The following ABCA9 variants were observed in gnomAD, a reference collection of about 807,000 sequenced individuals.
The protein encoded by ABCA9 is ATP binding cassette subfamily A member 9, also known as ATP-binding cassette sub-family A member 9.
Under a neutral mutation model 205.3 loss-of-function variants are expected in ABCA9, and 183 were observed. The observed-to-expected ratio is 0.89, with a 90% CI of 0.79 to 1.01. ABCA9 has a LOEUF of 1.01. Ranked by LOEUF, ABCA9 falls within the 50% of genes least tolerant of loss-of-function variation. The pLI is 0.00. For missense variants in ABCA9, 1,805 were observed against 1,912.4 expected, an observed-to-expected ratio of 0.94 and a Z score of 1.05; for synonymous variants, 651 against 683.3, an observed-to-expected ratio of 0.95 and a Z score of 0.74.
At chr17:69,018,784 C>G (rs991219951) in intron 19 of ABCA9, among the ~76,000 whole-genome samples, 14 of 151,998 alleles carry the variant, frequency 9.2e-5, no homozygotes, top group African/African-American at 3.4e-4. Flanking sequence ...TCTCAAGTGC[C>G]AAGCAGGACA....
At position 68,982,605 on chromosome 17, in the gene ABCA9, C is replaced by T. The variant is rs768132334; in HGVS notation, c.4677G>A (p.Glu1559=). ...AAGCCTGTGATAAAGGTCGCACATC[C>T]TCAACAGGCAACTTATAGACCATCA... ...SSLMVYKLPV[E]DVRPLSQAFF... is the part of the protein sequence containing the mutation. The change falls in exon 37 of 39, where the codon GAG becomes GAA. Residue 1559 remains glutamate, a synonymous_variant. Coordinates refer to ENST00000340001, the MANE Select transcript of ABCA9 (RefSeq NM_080283.4). 5 of 1,613,960 alleles carry T rather than the reference C, an allele frequency of 3.1e-6. No individual in the cohort carries two copies. The South Asian group carries it at 5.5e-5, about 18-fold the overall frequency.
chr17:69,050,847 G>A lies in ABCA9; in HGVS notation c.96+184C>T, dbSNP rs188092655. 4.3e-3 allele frequency among the ~76,000 whole-genome samples: 648 copies of A among 151,978 alleles called. 3 individuals carry two copies. Among genetic ancestry groups the A allele is most frequent in the Non-Finnish European group, 6.3e-3 (429 of 67,974 alleles). On this transcript the variant is annotated intron_variant, in intron 2 of 38. Coordinates refer to ENST00000340001, the MANE Select transcript of ABCA9 (RefSeq NM_080283.4). ...AAGACATAAAACAATAATACATAAT[G>A]TAATTTGAAAAAATAAATTTTACCT...
rs2070670648 is a variant in ABCA9 at position 69,017,735 on chromosome 17, T to G, written c.2822A>C (p.Glu941Ala). ...HSLRRQNIAI[E>A]VDAFGTRNGT... ...ATTTCTAGTTCCAAAGGCATCCACT[T>G]CTATAGCTATGTTCTGTCGCCTCAG... Residue 941 changes from glutamate to alanine, a missense_variant, in exon 21 of 39, where the codon GAA (glutamate) becomes GCA (alanine). Glu to Ala is a moderately radical substitution (Grantham distance 107). Transcript: ENST00000340001. 15 of 1,613,476 alleles carry G rather than the reference T, an allele frequency of 9.3e-6. No homozygotes were observed. Among genetic ancestry groups the G allele is most frequent in the Non-Finnish European group, 1.3e-5 (15 of 1,179,504 alleles).
chr17:69,049,544 T>A, intron 2 of ABCA9, 54 bp from the exon 3 acceptor site: 4 of 1,383,894 alleles, frequency 2.9e-6, no homozygotes, highest in Non-Finnish European at 4.0e-6. Flanking sequence ...ATACCACAGA[T>A]CAATCATCCA....
intron 37 of ABCA9, among the ~76,000 whole-genome samples, chr17:68,980,499 G>A (rs112531770): frequency 0.014 from 2,081 of 151,752 alleles, 49 homozygotes; most frequent in African/African-American, 0.045. Flanking sequence ...TGTTTATTGC[G>A]GCACTATTCA....
At chr17:68,996,823 A>G (rs532539186) in intron 25 of ABCA9, among the ~76,000 whole-genome samples, 51 of 152,226 alleles carry the variant, frequency 3.4e-4, no homozygotes, top group African/African-American at 1.2e-3. Context: ...TTTTTAAGGA[A>G]CTATATGGTC....
upstream of ABCA9, among the ~76,000 whole-genome samples, chr17:69,063,347 A>G (rs952731694): frequency 1.3e-5 from 2 of 152,160 alleles, no homozygotes; most frequent in South Asian, 4.1e-4. Context: ...TTTGCTGGCT[A>G]TTTGTAAGGA....
the ABCA9 span, among the ~76,000 whole-genome samples, chr17:69,067,488 G>A: frequency 6.6e-5 from 10 of 151,186 alleles, no homozygotes; most frequent in African/African-American, 2.4e-4. Flanking sequence ...CCTGGGAGGT[G>A]GACGTTGCAG....
Position 69,016,369 on chromosome 17 carries a change from A to C in ABCA9, c.2923T>G (p.Cys975Gly). 1 of 1,592,460 alleles carries C rather than the reference A, an allele frequency of 6.3e-7. No homozygotes were observed. Among genetic ancestry groups the C allele is most frequent in the Non-Finnish European group, 8.5e-7 (1 of 1,172,650 alleles). ...DEKDHRFSIA[C>G]NTKRLNCFPV... ...AAGCAATTCAGCCGTTTTGTATTAC[A>C]TGCTATTGAAAATCTGTGATCCTGA... Residue 975 changes from cysteine to glycine, a missense_variant, in exon 22 of 39, where the codon TGT (cysteine) becomes GGT (glycine). Coordinates refer to ENST00000340001, the MANE Select transcript of ABCA9 (RefSeq NM_080283.4).
At chr17:69,072,637 A>T in the ABCA9 span, among the ~76,000 whole-genome samples, 3 of 33,678 alleles carry the variant, frequency 8.9e-5, no homozygotes, top group South Asian at 3.4e-3. Flanking sequence ...AGCCACTGCA[A>T]AAAAAAAAAA....
intron 12 of ABCA9, among the ~76,000 whole-genome samples, chr17:69,028,027 CTATT>C (rs574097723): frequency 7.2e-4 from 110 of 152,206 alleles, no homozygotes; most frequent in African/African-American, 2.4e-3. Context: ...AACCATAAAA[CTATT>C]TATGACATAT....
chr17:69,017,964 G>A, intron 20 of ABCA9, 175 bp from the exon 21 acceptor site: 1 of 596,696 alleles, frequency 1.7e-6, no homozygotes, highest in Non-Finnish European at 2.8e-6. Context: ...TCATAGGTAT[G>A]ACAAGGTTAC....
chr17:69,006,218 G>A (rs2070120825), intron 25 of ABCA9, among the ~76,000 whole-genome samples: 1 of 152,134 alleles, frequency 6.6e-6, no homozygotes, highest in African/African-American at 2.4e-5. Context: ...TTGAAAAACT[G>A]TTTGGCAAGA....
Position 68,984,970 on chromosome 17 carries a change from C to A in ABCA9, c.4294G>T (p.Val1432Leu). 6.2e-7 allele frequency: 1 copy of A among 1,614,194 alleles called. No homozygotes were observed. The highest frequency in any genetic ancestry group is 8.5e-7 in the Non-Finnish European group (1 of 1,180,042). ...GACGGGTTCCCCAGGATGCTCAGCA[C>A]AAAGCACAGCTGCAACGGGAGGAAC... ...SEGIKRKLCF[V>L]LSILGNPSVV... Residue 1432 changes from valine (V) to leucine (L), a missense_variant, in exon 34 of 39, where the codon GTG (valine) becomes TTG (leucine). Coordinates refer to ENST00000340001, the MANE Select transcript of ABCA9 (RefSeq NM_080283.4).
Position 69,028,562 on chromosome 17 carries a change from G to A in ABCA9, c.1588C>T (p.Leu530Phe). ...GAGKTTLLNI[L>F]SGLSVPTSGS... Reference sequence around the variant, plus strand: ...GATGTTGGAACTGACAACCCACTAAGTATGTTTAACAGGGTAGTTTTTCCA... The same window carrying A: ...GATGTTGGAACTGACAACCCACTAAATATGTTTAACAGGGTAGTTTTTCCA... Residue 530 changes from leucine to phenylalanine, a missense_variant, in exon 12 of 39, where the codon CTT becomes TTT. Transcript: ENST00000340001. 1.2e-6 allele frequency: 2 copies of A among 1,608,818 alleles called. No individual in the cohort carries two copies. Among genetic ancestry groups the A allele is most frequent in the Non-Finnish European group, 1.7e-6 (2 of 1,177,016 alleles).
At chr17:69,032,484 G>A in intron 9 of ABCA9, 1 of 445,784 alleles carries the variant, frequency 2.2e-6, no homozygotes, top group Non-Finnish European at 3.9e-6. Context: ...TTTAACATGA[G>A]AAGCATGTAG....
chr17:69,041,746 T>TATCTATCTATCTATC (rs2071550235), intron 6 of ABCA9, among the ~76,000 whole-genome samples: 2 of 151,810 alleles, frequency 1.3e-5, no homozygotes, highest in South Asian at 4.2e-4. Flanking sequence ...TCTATCTATC[T>TATCTATCTATCTATC]ATCTATCTAT....
At chr17:69,005,762 CA>C (rs1299315670) in intron 25 of ABCA9, among the ~76,000 whole-genome samples, 1 of 151,602 alleles carries the variant, frequency 6.6e-6, no homozygotes, top group Non-Finnish European at 1.5e-5. Context: ...TTTTTTTTTC[CA>C]ACTAATCTTC....
rs559184478 is a variant in ABCA9 at position 69,026,957 on chromosome 17, A to G, written c.2050+19T>C. 1.9e-6 allele frequency: 3 copies of G among 1,613,040 alleles called. No homozygotes were observed. The African/African-American group carries it at 4.0e-5, about 21-fold the overall frequency. On this transcript the variant is annotated intron_variant, in intron 15 of 38. Transcript: ENST00000340001. ...TCTCTAACCTCTCATGAAGATACAT[A>G]AGAGAAACAAAAAATTACCCGCCAG... is the stretch of plus-strand genomic sequence containing the variant.
Sources: gnomAD v4.1 joint callset for allele counts (sites outside exome capture counted in the v4.1 genomes callset) on GRCh38, gnomAD v4.1.1 for gene constraint, MANE v1.5 for transcripts, NCBI Gene and HGNC (gene_info 2026-07-23, HGNC 2026-07-21) for gene names.